DYNC1I1: variants seen among roughly 807,000 people sequenced by gnomAD.
The protein encoded by DYNC1I1 is dynein cytoplasmic 1 intermediate chain 1, also known as cytoplasmic dynein 1 intermediate chain 1.
Under a neutral mutation model 86.6 loss-of-function variants are expected in DYNC1I1, and 43 were observed. That is an observed-to-expected ratio of 0.50 (90% CI 0.39 to 0.64). The LOEUF is 0.64. Ranked by LOEUF, DYNC1I1 falls within the 30% of genes least tolerant of loss-of-function variation. The probability of loss-of-function intolerance (pLI) is 0.00; values close to 1 mark genes in which losing one functional copy is unlikely to be tolerated. For synonymous variants in DYNC1I1, 262 were observed against 283.7 expected, an observed-to-expected ratio of 0.92 and a Z score of 0.77; for missense variants, 604 against 788.8, an observed-to-expected ratio of 0.77 and a Z score of 2.81.
chr7:95,799,587 G>A (rs1033445442), intron 1 of DYNC1I1, among the ~76,000 whole-genome samples: 7 of 150,978 alleles, frequency 4.6e-5, no homozygotes, highest in African/African-American at 1.7e-4. Context: ...AAATTGAGAA[G>A]TTTTCTTTTT....
intron 6 of DYNC1I1, among the ~76,000 whole-genome samples, chr7:95,964,662 A>G (rs1460188698): frequency 1.3e-5 from 2 of 152,208 alleles, no homozygotes; most frequent in Non-Finnish European, 2.9e-5. Context: ...GCATAAATAA[A>G]TGTAGAAGGT....
At chr7:95,966,885 C>T (rs929814038) in intron 6 of DYNC1I1, among the ~76,000 whole-genome samples, 4 of 152,088 alleles carry the variant, frequency 2.6e-5, no homozygotes, top group African/African-American at 4.8e-5. Flanking sequence ...CAGGGAGGCA[C>T]GGGGTGAGTG....
chr7:96,057,685 T>TG (rs1172919588), intron 14 of DYNC1I1, among the ~76,000 whole-genome samples: 1 of 152,224 alleles, frequency 6.6e-6, no homozygotes, highest in African/African-American at 2.4e-5. Context: ...TCTTTTCCAC[T>TG]GAGCTGTAGC....
intron 10 of DYNC1I1, among the ~76,000 whole-genome samples, chr7:96,002,092 G>A (rs886736509): frequency 5.3e-5 from 8 of 152,084 alleles, no homozygotes; most frequent in African/African-American, 1.9e-4. Context: ...TATTTTGGAG[G>A]TACCCACCAT....
At chr7:95,999,722 A>G (rs1403320563) in intron 10 of DYNC1I1, among the ~76,000 whole-genome samples, 1 of 152,082 alleles carries the variant, frequency 6.6e-6, no homozygotes, top group Non-Finnish European at 1.5e-5. Context: ...TAGGACTCGG[A>G]GTTCCATTCC....
intron 6 of DYNC1I1, 141 bp from the exon 7 acceptor site, chr7:95,977,371 G>T: frequency 1.7e-6 from 1 of 591,166 alleles, no homozygotes; most frequent in South Asian, 2.9e-5. Context: ...CATTTATCTT[G>T]GGCATTCATT....
chr7:96,018,491 G>A (rs542517170), intron 10 of DYNC1I1, among the ~76,000 whole-genome samples: 1 of 152,142 alleles, frequency 6.6e-6, no homozygotes, highest in African/African-American at 2.4e-5. Flanking sequence ...CACTCATTTA[G>A]TAACTGCACA....
rs139581664 is a variant in DYNC1I1, at chr7:96,051,558, T to C, written c.1509+12137T>C. On this transcript the variant is annotated intron_variant, in intron 14 of 16. Transcript: ENST00000447467. Reference sequence around the variant, plus strand: ...ATATATCTTGACATTGTAGACATTGTACAATCTTTCCTAGCAGTTAACATG... The same window carrying C: ...ATATATCTTGACATTGTAGACATTGCACAATCTTTCCTAGCAGTTAACATG... 2.5e-3 allele frequency among the ~76,000 whole-genome samples: 375 copies of C among 152,342 alleles called. 5 individuals carry two copies. In the South Asian group the frequency reaches 0.042, roughly 17 times the overall value.
chr7:95,847,248 T>C (rs561529928), intron 5 of DYNC1I1, among the ~76,000 whole-genome samples: 2 of 152,220 alleles, frequency 1.3e-5, no homozygotes, highest in Non-Finnish European at 2.9e-5. Context: ...ATTCCAGTGC[T>C]GTTGCCACTT....
intron 14 of DYNC1I1, among the ~76,000 whole-genome samples, chr7:96,058,673 C>T (rs1006540980): frequency 8.5e-5 from 13 of 152,106 alleles, no homozygotes; most frequent in African/African-American, 2.7e-4. Context: ...CTCACTCTGT[C>T]GCCCAGTTTG....
At chr7:95,915,363 C>A (rs1336625927) in intron 6 of DYNC1I1, among the ~76,000 whole-genome samples, 1 of 152,180 alleles carries the variant, frequency 6.6e-6, no homozygotes, top group African/African-American at 2.4e-5. Flanking sequence ...AGATGGGTTG[C>A]TGGGATTTGA....
intron 5 of DYNC1I1, chr7:95,837,798 AG>A (rs1789152871): frequency 6.5e-6 from 1 of 153,926 alleles, no homozygotes; most frequent in Non-Finnish European, 1.4e-5. Flanking sequence ...GTGCTTCCCC[AG>A]TGAGGCAATG....
chr7:95,849,598 C>T (rs1405912360), intron 5 of DYNC1I1, among the ~76,000 whole-genome samples: 1 of 152,062 alleles, frequency 6.6e-6, no homozygotes, highest in Non-Finnish European at 1.5e-5. Context: ...TATGCCAGTA[C>T]CATGCTGTTC....
chr7:95,783,001 G>A (rs529855279), intron 1 of DYNC1I1, among the ~76,000 whole-genome samples: 12 of 152,238 alleles, frequency 7.9e-5, no homozygotes, highest in African/African-American at 2.9e-4. Context: ...GGGTTTTTGT[G>A]GGTACAGGAT....
chr7:95,854,486 A>G (rs1380248859), intron 5 of DYNC1I1, among the ~76,000 whole-genome samples: 1 of 152,112 alleles, frequency 6.6e-6, no homozygotes, highest in Non-Finnish European at 1.5e-5. Context: ...CTTATATTGC[A>G]TATCCCTTAA....
chr7:95,915,260 A>G (rs895467176), intron 6 of DYNC1I1, among the ~76,000 whole-genome samples: 2 of 152,218 alleles, frequency 1.3e-5, no homozygotes, highest in African/African-American at 4.8e-5. Flanking sequence ...TTTGTGCATT[A>G]TTATCTCCAG....
intron 6 of DYNC1I1, among the ~76,000 whole-genome samples, chr7:95,933,760 A>G (rs1011794140): frequency 1.3e-5 from 2 of 152,130 alleles, no homozygotes; most frequent in Non-Finnish European, 2.9e-5. Context: ...AAAGTGAATG[A>G]GACACCTGCC....
chr7:96,029,175 G>A lies in DYNC1I1; in HGVS notation c.1116+854G>A, dbSNP rs531444590. On this transcript the variant is annotated intron_variant, in intron 11 of 16. Coordinates refer to ENST00000447467, the MANE Select transcript of DYNC1I1 (RefSeq NM_001135556.2). ...GCTGTTTAGCTAAGTCCATGAGGAG[G>A]AAAAATCTCCTACTCTTGTAAGATT... Among the ~76,000 whole-genome samples, 3 of 151,788 alleles carry A rather than the reference G, an allele frequency of 2.0e-5. No individual in the cohort carries two copies. In the South Asian group the frequency reaches 6.3e-4, roughly 32 times the overall value.
chr7:95,982,535 TA>T (rs1248721454), intron 7 of DYNC1I1, among the ~76,000 whole-genome samples: 1 of 152,162 alleles, frequency 6.6e-6, no homozygotes, highest in African/African-American at 2.4e-5. Flanking sequence ...TACCATTTTT[TA>T]TTCAAGGTAA....
Sources: gnomAD v4.1 joint callset for allele counts (sites outside exome capture counted in the v4.1 genomes callset) on GRCh38, gnomAD v4.1.1 for gene constraint, MANE v1.5 for transcripts, NCBI Gene and HGNC (gene_info 2026-07-23, HGNC 2026-07-21) for gene names.